The following CCDC152 variants were observed in gnomAD, a reference collection of about 807,000 sequenced individuals.
CCDC152 encodes coiled-coil domain-containing protein 152.
A neutral mutation model predicts 38.1 loss-of-function variants in CCDC152; 37 were observed. The ratio of observed to expected loss-of-function variants is 0.97; its 90% confidence interval spans 0.75 to 1.28. CCDC152 has a LOEUF of 1.28. Ranked by LOEUF, CCDC152 falls within the 50% of genes most tolerant of loss-of-function variation. The pLI is 0.00. For synonymous variants in CCDC152, 83 were observed against 87.1 expected, an observed-to-expected ratio of 0.95 and a Z score of 0.26; for missense variants, 259 against 292.1, an observed-to-expected ratio of 0.89 and a Z score of 0.83.
intron 4 of CCDC152, among the ~76,000 whole-genome samples, chr5:42,774,180 C>T (rs955216938): frequency 1.9e-4 from 29 of 152,170 alleles, no homozygotes; most frequent in African/African-American, 6.5e-4. Context: ...AGAAACCTCC[C>T]TGTTTGTCAG....
intron 4 of CCDC152, 76 bp downstream of exon 4, chr5:42,769,741 T>G: frequency 1.4e-6 from 2 of 1,404,408 alleles, no homozygotes; most frequent in Non-Finnish European, 1.9e-6. Context: ...AGTTTTTACA[T>G]GGTTGATAAT....
chr5:42,801,612 A>G lies in CCDC152; in HGVS notation c.*1831A>G, dbSNP rs1760204626. The G allele has an allele frequency of 4.5e-6, 2 of 440,764 alleles. No homozygotes were observed. Among genetic ancestry groups the G allele is most frequent in the Non-Finnish European group, 7.9e-6 (2 of 253,268 alleles). 27.3% of individuals were successfully genotyped at this position (440,764 alleles called of 1,614,324 possible). A position where few individuals can be genotyped will look rare whatever the true frequency, so the allele number is the denominator to read the frequency against. On this transcript the variant is annotated 3_prime_UTR_variant, in exon 9 of 9. Transcript: ENST00000361970. ...ATTGCAGGAAAGTCAAAGTAATATCAAATCCTAAATTCAGTTGATCTGGGC... is the reference window on the plus strand; with the variant it reads ...ATTGCAGGAAAGTCAAAGTAATATCGAATCCTAAATTCAGTTGATCTGGGC...
intron 6 of CCDC152, among the ~76,000 whole-genome samples, chr5:42,795,718 G>C (rs1416847567): frequency 1.3e-5 from 2 of 152,106 alleles, no homozygotes; most frequent in Non-Finnish European, 2.9e-5. Flanking sequence ...AATACCATTT[G>C]ACCCAGCCAT....
At position 42,781,582 on chromosome 5, in the gene CCDC152, T is replaced by C. The variant is rs574307051; in HGVS notation, c.328-1892T>C. 1.6e-3 allele frequency among the ~76,000 whole-genome samples: 222 copies of C among 142,622 alleles called. 2 individuals carry two copies. Among genetic ancestry groups the C allele is most frequent in the African/African-American group, 5.5e-3 (203 of 36,902 alleles). 93.6% of individuals were successfully genotyped at this position (142,622 alleles called of 152,430 possible). ...ACACACACACACACACACACACACA[T>C]ACACACACACAAATAAATACATGTA... On this transcript the variant is annotated intron_variant, in intron 5 of 8. Coordinates refer to ENST00000361970, the MANE Select transcript of CCDC152 (RefSeq NM_001134848.2).
chr5:42,779,546 C>T, intron 5 of CCDC152, 24 bp downstream of exon 5: 1 of 1,261,364 alleles, frequency 7.9e-7, no homozygotes, highest in Non-Finnish European at 1.1e-6. Context: ...TCATTCTATT[C>T]AGTCAAGTCC....
chr5:42,780,719 A>G (rs948085381), intron 5 of CCDC152, among the ~76,000 whole-genome samples: 3 of 152,198 alleles, frequency 2.0e-5, no homozygotes, highest in Admixed American at 6.5e-5. Flanking sequence ...CTCTGAACAC[A>G]TCTAAAATTC....
At chr5:42,773,904 T>C (rs1759732908) in intron 4 of CCDC152, among the ~76,000 whole-genome samples, 1 of 152,338 alleles carries the variant, frequency 6.6e-6, no homozygotes, top group South Asian at 2.1e-4. Flanking sequence ...ATGTGTCCCT[T>C]TTAAGTATTC....
chr5:42,792,082 T>C (rs1289121168), intron 6 of CCDC152, among the ~76,000 whole-genome samples: 3 of 152,050 alleles, frequency 2.0e-5, no homozygotes, highest in Admixed American at 6.6e-5. Context: ...GGGCCACCTC[T>C]TCAGACTCCA....
chr5:42,796,997 T>C (rs1239983417), intron 7 of CCDC152, 41 bp downstream of exon 7: 1 of 1,385,666 alleles, frequency 7.2e-7, no homozygotes, highest in Non-Finnish European at 9.7e-7. Flanking sequence ...GACACATCCC[T>C]TAGTCTAAAC....
chr5:42,793,908 T>A (rs1019054875), intron 6 of CCDC152, among the ~76,000 whole-genome samples: 1 of 152,054 alleles, frequency 6.6e-6, no homozygotes, highest in African/African-American at 2.4e-5. Flanking sequence ...CAAGCTCAGC[T>A]GGACTTGGGG....
At chr5:42,782,937 G>C (rs1270939020) in intron 5 of CCDC152, among the ~76,000 whole-genome samples, 2 of 151,854 alleles carry the variant, frequency 1.3e-5, no homozygotes, top group Non-Finnish European at 2.9e-5. Flanking sequence ...TGCCATCTCG[G>C]CTCACTGCAA....
chr5:42,759,361 C>G (rs1038962763), intron 2 of CCDC152, among the ~76,000 whole-genome samples, 153 bp downstream of exon 2: 1 of 152,136 alleles, frequency 6.6e-6, no homozygotes, highest in Non-Finnish European at 1.5e-5. Flanking sequence ...TTTTAAAACT[C>G]CATGTTTAAA....
chr5:42,762,420 T>A (rs1478864934), intron 2 of CCDC152, 23 bp from the exon 3 acceptor site: 8 of 1,205,128 alleles, frequency 6.6e-6, no homozygotes, highest in Non-Finnish European at 9.5e-6. Flanking sequence ...TTGTTAATAA[T>A]AAGTATTCTA....
intron 6 of CCDC152, among the ~76,000 whole-genome samples, chr5:42,796,253 T>TTA (rs1021060474): frequency 2.8e-5 from 4 of 142,394 alleles, no homozygotes; most frequent in Non-Finnish European, 6.2e-5. Context: ...ATAATAAAAT[T>TTA]AAAAAAAAAA....
chr5:42,759,223 A>T lies in CCDC152; in HGVS notation c.87+15A>T, dbSNP rs1326716493. The T allele has an allele frequency of 6.7e-7, 1 of 1,502,692 alleles. No individual in the cohort carries two copies. The highest frequency in any genetic ancestry group is 1.4e-5 in the African/African-American group (1 of 72,042). 93.1% of individuals were successfully genotyped at this position (1,502,692 alleles called of 1,614,324 possible). The stretch of plus-strand genomic sequence containing the variant: ...AGATAGAAAAGGTATGTAAAGATAG[A>T]AAACAATTCTACTATATAGGGATAC... On this transcript the variant is annotated intron_variant, in intron 2 of 8. Coordinates refer to ENST00000361970, the MANE Select transcript of CCDC152 (RefSeq NM_001134848.2).
chr5:42,773,917 A>T (rs1379000436), intron 4 of CCDC152, among the ~76,000 whole-genome samples: 4 of 152,212 alleles, frequency 2.6e-5, no homozygotes, highest in Admixed American at 2.6e-4. Flanking sequence ...AAGTATTCTC[A>T]CTTGCACATA....
chr5:42,785,187 G>A (rs1025233859), intron 6 of CCDC152, among the ~76,000 whole-genome samples: 3 of 152,036 alleles, frequency 2.0e-5, no homozygotes, highest in East Asian at 1.9e-4. Flanking sequence ...ATTGCTTTGG[G>A]TAGTATAGTC....
chr5:42,785,192 A>G (rs1363583035), intron 6 of CCDC152, among the ~76,000 whole-genome samples: 1 of 152,142 alleles, frequency 6.6e-6, no homozygotes, highest in Non-Finnish European at 1.5e-5. Flanking sequence ...TTTGGGTAGT[A>G]TAGTCATTTT....
At chr5:42,785,981 T>C (rs1252662493) in intron 6 of CCDC152, among the ~76,000 whole-genome samples, 4 of 152,132 alleles carry the variant, frequency 2.6e-5, no homozygotes, top group Admixed American at 2.6e-4. Context: ...GGCCGTTTGA[T>C]CCTGATGAAT....
Sources: gnomAD v4.1 joint callset for allele counts (sites outside exome capture counted in the v4.1 genomes callset) on GRCh38, gnomAD v4.1.1 for gene constraint, MANE v1.5 for transcripts, NCBI Gene and HGNC (gene_info 2026-07-23, HGNC 2026-07-21) for gene names.